PHF24: variants seen among roughly 807,000 people sequenced by gnomAD.
PHF24 encodes PHD finger protein 24, also known as Galpha inhibitory interacting protein.
In PHF24, 25 loss-of-function variants were observed where a neutral mutation model predicts 42.6. The ratio of observed to expected loss-of-function variants is 0.59; its 90% CI spans 0.43 to 0.82. The LOEUF (loss-of-function observed/expected upper bound fraction) is 0.82. Ranked by LOEUF, PHF24 falls within the 40% of genes least tolerant of loss-of-function variation. The pLI is 0.00. For missense variants in PHF24, 470 were observed against 538.1 expected (o/e 0.87, Z 1.25); for synonymous variants, 185 against 204.8 (o/e 0.90, Z 0.83).
chr9:34,721,419 C>G, the PHF24 span, among the ~76,000 whole-genome samples: 1 of 151,912 alleles, frequency 6.6e-6, no homozygotes, highest in Non-Finnish European at 1.5e-5. Flanking sequence ...CTCTCTCTCT[C>G]TCTCTCTCTC....
At chr9:34,927,202 G>A in the PHF24 span, among the ~76,000 whole-genome samples, 1 of 152,180 alleles carries the variant, frequency 6.6e-6, no homozygotes, top group Non-Finnish European at 1.5e-5. Flanking sequence ...CAGTAAGCAG[G>A]GGTTTGTTTT....
chr9:34,852,227 A>G, the PHF24 span, among the ~76,000 whole-genome samples: 2 of 152,226 alleles, frequency 1.3e-5, no homozygotes, highest in African/African-American at 4.8e-5. Flanking sequence ...TAATACATAT[A>G]CAAAATATGT....
the PHF24 span, among the ~76,000 whole-genome samples, chr9:34,780,889 C>T: frequency 2.0e-5 from 3 of 152,104 alleles, no homozygotes; most frequent in Admixed American, 6.6e-5. Flanking sequence ...TAGGGAGATG[C>T]AAATCAAAAC....
At chr9:34,757,385 A>C in the PHF24 span, among the ~76,000 whole-genome samples, 1 of 152,116 alleles carries the variant, frequency 6.6e-6, no homozygotes, top group Non-Finnish European at 1.5e-5. Context: ...GTATCCTGCA[A>C]CTTTGCTGAA....
chr9:34,728,713 A>G, the PHF24 span: 1 of 1,440,032 alleles, frequency 6.9e-7, no homozygotes, highest in African/African-American at 1.4e-5. Flanking sequence ...TCTCATGTCC[A>G]AAATGAGACA....
At chr9:34,941,660 G>A in the PHF24 span, among the ~76,000 whole-genome samples, 5 of 152,214 alleles carry the variant, frequency 3.3e-5, no homozygotes, top group Non-Finnish European at 5.9e-5. Flanking sequence ...GGCACTGGCA[G>A]ATTCAGTGTC....
the PHF24 span, among the ~76,000 whole-genome samples, chr9:34,826,784 A>G: frequency 6.6e-6 from 1 of 152,148 alleles, no homozygotes; most frequent in Non-Finnish European, 1.5e-5. Context: ...GAACCCAAAG[A>G]TCCCAAGCAA....
At chr9:34,889,684 G>C in the PHF24 span, 8 of 398,334 alleles carry the variant, frequency 2.0e-5, no homozygotes, top group East Asian at 2.8e-4. Flanking sequence ...ACCAGACCCT[G>C]CAACTCTTAG....
chr9:34,722,583 A>G, the PHF24 span, among the ~76,000 whole-genome samples: 1 of 152,180 alleles, frequency 6.6e-6, no homozygotes, highest in Non-Finnish European at 1.5e-5. Context: ...TGTGTTTTGC[A>G]TAGTTCTTGG....
At chr9:34,668,000 G>A in the PHF24 span, among the ~76,000 whole-genome samples, 1 of 152,278 alleles carries the variant, frequency 6.6e-6, no homozygotes, top group Non-Finnish European at 1.5e-5. Flanking sequence ...TCTCCACCCC[G>A]ACTCATAGGA....
the PHF24 span, among the ~76,000 whole-genome samples, chr9:34,904,532 A>G: frequency 7.9e-5 from 12 of 151,690 alleles, no homozygotes; most frequent in African/African-American, 2.9e-4. Flanking sequence ...ACATTTATTG[A>G]CTTGCATATG....
At chr9:34,835,870 A>G in the PHF24 span, 1 of 1,104,938 alleles carries the variant, frequency 9.1e-7, no homozygotes, top group South Asian at 1.3e-5. Flanking sequence ...TACACTAGAC[A>G]GAGACAAGAT....
chr9:34,764,041 A>T, the PHF24 span, among the ~76,000 whole-genome samples: 2 of 151,962 alleles, frequency 1.3e-5, no homozygotes, highest in Non-Finnish European at 2.9e-5. Context: ...CATCCCAGGG[A>T]TGAAGCCCAC....
At chr9:34,735,799 TA>T in the PHF24 span, among the ~76,000 whole-genome samples, 257 of 136,654 alleles carry the variant, frequency 1.9e-3, no homozygotes, top group Non-Finnish European at 1.7e-3. Context: ...AGACTCCCTC[TA>T]AAAAAAAAAA....
chr9:34,673,172 C>G, the PHF24 span, among the ~76,000 whole-genome samples: 1 of 152,108 alleles, frequency 6.6e-6, no homozygotes, highest in Non-Finnish European at 1.5e-5. Context: ...CCTAGCCAAC[C>G]TAGTGAAATC....
At chr9:34,871,572 G>A in the PHF24 span, among the ~76,000 whole-genome samples, 2 of 152,062 alleles carry the variant, frequency 1.3e-5, no homozygotes, top group Non-Finnish European at 2.9e-5. Context: ...TTAGGTTTCT[G>A]TTTTATGTTT....
intron 3 of PHF24, among the ~76,000 whole-genome samples, chr9:34,975,817 T>C (rs974992026): frequency 6.6e-6 from 1 of 151,906 alleles, no homozygotes; most frequent in African/African-American, 2.4e-5. Context: ...ACCTGCCTAC[T>C]CACTAGCCCC....
chr9:34,700,111 A>G, the PHF24 span, among the ~76,000 whole-genome samples: 2 of 152,200 alleles, frequency 1.3e-5, no homozygotes, highest in African/African-American at 4.8e-5. Context: ...TATCTGAGGA[A>G]TAGCAAGGAG....
the PHF24 span, chr9:34,835,983 G>A: frequency 1.4e-6 from 1 of 698,010 alleles, no homozygotes; most frequent in South Asian, 1.5e-5. Context: ...CCATAGCATT[G>A]CAAATTTGGC....
Sources: allele counts gnomAD v4.1 joint callset (sites outside exome capture counted in the v4.1 genomes callset), GRCh38; gene constraint gnomAD v4.1.1; transcripts MANE v1.5; gene names NCBI Gene and HGNC (gene_info 2026-07-23, HGNC 2026-07-21).